The following ARHGEF17 variants were observed in gnomAD, a reference collection of about 807,000 sequenced individuals.
ARHGEF17 encodes Rho guanine nucleotide exchange factor 17.
A neutral mutation model predicts 174.0 loss-of-function variants in ARHGEF17; 80 were observed. That is an observed-to-expected ratio of 0.46 (90% CI 0.38 to 0.55). ARHGEF17 has a LOEUF of 0.55. ARHGEF17 is among the 20% of genes least tolerant of loss of function. The pLI is 0.00. For missense variants in ARHGEF17, 2,886 were observed against 2,839.7 expected, an observed-to-expected ratio of 1.02 and a Z score of -0.37; for synonymous variants, 1,311 against 1,189.1, an observed-to-expected ratio of 1.10 and a Z score of -2.11.
chr11:73,315,032 ACAC>A lies in ARHGEF17; in HGVS notation c.3192+3203_3192+3205del, dbSNP rs1367210239. On this transcript the variant is annotated intron_variant, in intron 1 of 20. Transcript: ENST00000263674. ...TTATCAAGTGCTTGCTATGTGCCAG[ACAC>A]TATCTGTTTCATTCTTCAACTGTGA... Among the ~76,000 whole-genome samples, 4 of 152,364 alleles carry A rather than the reference ACAC, an allele frequency of 2.6e-5. No homozygotes were observed. The East Asian group carries it at 7.7e-4, about 29-fold the overall frequency.
intron 9 of ARHGEF17, among the ~76,000 whole-genome samples, chr11:73,359,015 G>A (rs528593281): frequency 3.3e-5 from 5 of 152,264 alleles, no homozygotes; most frequent in Admixed American, 2.6e-4. Flanking sequence ...CCCCCACGGG[G>A]TTCTTGGTCA....
At chr11:73,361,045 C>T in intron 11 of ARHGEF17, 43 bp from the exon 12 acceptor site, 1 of 1,530,466 alleles carries the variant, frequency 6.5e-7, no homozygotes, top group Non-Finnish European at 9.0e-7. Flanking sequence ...GAGATGGATG[C>T]TATGCTAAGC....
At position 73,365,295 on chromosome 11, in the gene ARHGEF17, A is replaced by G. The variant is rs1865815519; in HGVS notation, c.5551-95A>G. 1.6e-5 allele frequency: 23 copies of G among 1,406,608 alleles called. No individual in the cohort carries two copies. The highest frequency in any genetic ancestry group is 2.3e-5 in the Non-Finnish European group (23 of 1,015,032). 87.1% of individuals were successfully genotyped at this position (1,406,608 alleles called of 1,614,324 possible). On this transcript the variant is annotated intron_variant, in intron 18 of 20. Transcript: ENST00000263674. This position sits in a 1 kb window ranked among gnomAD's most constrained non-coding sequence, Gnocchi z 4.9. ...CAGACCAAGGACCAACGCTAGTGTG[A>G]GTTGTGAGGGATGGACACTGGTGAA... is the stretch of plus-strand genomic sequence containing the variant.
chr11:73,360,279 T>G, intron 10 of ARHGEF17, 41 bp from the exon 11 acceptor site: 96 of 1,598,016 alleles, frequency 6.0e-5, no homozygotes, highest in Non-Finnish European at 7.4e-5. Context: ...CAGGCTCTGG[T>G]GAGATGCTGG....
At position 73,310,757 on chromosome 11, in the gene ARHGEF17, C is replaced by T. The variant is rs369681028; in HGVS notation, c.2119C>T (p.Arg707Cys). ...PETPPTPGAL[R>C]RRRKVPPSGS... Reference sequence around the variant, plus strand: ...GACCCCTCCCACACCAGGTGCCCTCCGCCGACGACGCAAAGTCCCACCTTC... The same window carrying T: ...GACCCCTCCCACACCAGGTGCCCTCTGCCGACGACGCAAAGTCCCACCTTC... Residue 707 changes from arginine to cysteine, a missense_variant, in exon 1 of 21, where the codon CGC (arginine) becomes TGC (cysteine). Physicochemically the swap from Arg to Cys is radical, Grantham distance 180. Transcript: ENST00000263674. 3.2e-5 allele frequency: 51 copies of T among 1,611,050 alleles called. No individual in the cohort carries two copies. The highest frequency in any genetic ancestry group is 2.1e-4 in the South Asian group (19 of 91,036).
chr11:73,309,969 G>C lies in ARHGEF17; in HGVS notation c.1331G>C (p.Arg444Thr), dbSNP rs1864783772. The C allele has an allele frequency of 6.2e-7, 1 of 1,613,980 alleles. No homozygotes were observed. Among genetic ancestry groups the C allele is most frequent in the African/African-American group, 1.3e-5 (1 of 75,038 alleles). The change falls in exon 1 of 21, where the codon AGG becomes ACG. Residue 444 changes from arginine (R) to threonine (T), a missense_variant. By Grantham distance (71) the Arg-to-Thr change is moderately conservative. Coordinates refer to ENST00000263674, the MANE Select transcript of ARHGEF17 (RefSeq NM_014786.4). Reference sequence around the variant, plus strand: ...GCCAAAGGACCTGGAGGCACCTCTAGGGCATTGAGGGATGGAGGATTTGAG... The same window carrying C: ...GCCAAAGGACCTGGAGGCACCTCTACGGCATTGAGGGATGGAGGATTTGAG... ...TRAKGPGGTS[R>T]ALRDGGFEPE...
intron 1 of ARHGEF17, among the ~76,000 whole-genome samples, chr11:73,327,415 T>C (rs544600507): frequency 2.0e-5 from 3 of 152,130 alleles, no homozygotes; most frequent in African/African-American, 2.4e-5. Flanking sequence ...GAGTTTGTAG[T>C]GTGTAAAAGG....
intron 1 of ARHGEF17, among the ~76,000 whole-genome samples, chr11:73,332,374 T>TGTGG (rs2134400844): frequency 7.9e-6 from 1 of 127,178 alleles, no homozygotes; most frequent in Non-Finnish European, 1.9e-5. Context: ...TGTGTGTGTG[T>TGTGG]GTGTGTGTGT....
At chr11:73,367,236 T>TAGG (rs1176719294) in intron 20 of ARHGEF17, among the ~76,000 whole-genome samples, 5 of 152,096 alleles carry the variant, frequency 3.3e-5, no homozygotes, top group Non-Finnish European at 7.4e-5. Flanking sequence ...CTGTTGGAAG[T>TAGG]AGGAGGCTTA....
intron 2 of ARHGEF17, among the ~76,000 whole-genome samples, chr11:73,350,166 G>C (rs1865529553): frequency 6.6e-6 from 1 of 152,206 alleles, no homozygotes; most frequent in South Asian, 2.1e-4. Context: ...TTAACCTTGT[G>C]AGGTAGATAT....
intron 12 of ARHGEF17, 43 bp from the exon 13 acceptor site, chr11:73,361,997 G>C: frequency 6.3e-7 from 1 of 1,593,484 alleles, no homozygotes; most frequent in Non-Finnish European, 8.6e-7. Context: ...GCTGGCAGCA[G>C]TTCCTCCATT....
chr11:73,364,723 C>A, intron 18 of ARHGEF17, 123 bp downstream of exon 18: 10 of 1,301,762 alleles, frequency 7.7e-6, no homozygotes, highest in Admixed American at 2.9e-5. Flanking sequence ...CTTCCTCTGA[C>A]CACAGAGTGA....
intron 12 of ARHGEF17, among the ~76,000 whole-genome samples, chr11:73,361,457 C>G (rs188702097): frequency 1.1e-3 from 162 of 152,240 alleles, no homozygotes; most frequent in Non-Finnish European, 2.0e-3. Context: ...ACAGAGGTTA[C>G]CAGCATCACA....
At position 73,345,074 on chromosome 11, in the gene ARHGEF17, C is replaced by T. The variant is rs191166885; in HGVS notation, c.3193-1809C>T. 2.0e-5 allele frequency among the ~76,000 whole-genome samples: 3 copies of T among 152,296 alleles called. No homozygotes were observed. In the East Asian group the frequency reaches 5.8e-4, roughly 29 times the overall value. On this transcript the variant is annotated intron_variant, in intron 1 of 20. Coordinates refer to ENST00000263674, the MANE Select transcript of ARHGEF17 (RefSeq NM_014786.4). ...TGGCGTGGGGTAGGGCAGGATTAGG[C>T]ATCTGGGCCTGTCCTCGGGAGGCCT...
intron 1 of ARHGEF17, among the ~76,000 whole-genome samples, chr11:73,325,833 G>GT (rs1223145588): frequency 6.6e-6 from 1 of 152,256 alleles, no homozygotes; most frequent in African/African-American, 2.4e-5. Context: ...CCAGAGCCTG[G>GT]TGAGTGGGGA....
In ARHGEF17 at chr11:73,309,101, G is replaced by A. The variant is rs1468184228; in HGVS notation, c.463G>A (p.Gly155Ser). The change falls in exon 1 of 21, where the codon GGT becomes AGT. Residue 155 changes from glycine (G) to serine (S), a missense_variant. This residue lies in a region of ARHGEF17 where 1,728 missense variants were observed against 1,461.2 expected (regional missense o/e 1.18). Coordinates refer to ENST00000263674, the MANE Select transcript of ARHGEF17 (RefSeq NM_014786.4). ...SESPGTPSPD[G>S]AAWEPPARES... ...ATCCCCAGGAACGCCCAGCCCCGAC[G>A]GTGCCGCGTGGGAGCCTCCGGCTCG... The A allele has an allele frequency of 6.4e-7, 1 of 1,553,622 alleles. No individual in the cohort carries two copies. Among genetic ancestry groups the A allele is most frequent in the Admixed American group, 1.9e-5 (1 of 52,552 alleles).
chr11:73,356,687 C>T, intron 6 of ARHGEF17, 22 bp from the exon 7 acceptor site: 1 of 1,613,954 alleles, frequency 6.2e-7, no homozygotes, highest in Non-Finnish European at 8.5e-7. Flanking sequence ...CTTCGAGATG[C>T]CTTGTCCCTC....
intron 2 of ARHGEF17, chr11:73,347,202 C>A: frequency 1.7e-6 from 1 of 596,688 alleles, no homozygotes; most frequent in South Asian, 1.8e-5. Flanking sequence ...CCCTACCCTG[C>A]TGTTCTTCCA....
At position 73,309,971 on chromosome 11, in the gene ARHGEF17, G is replaced by A. The variant is rs750004622; in HGVS notation, c.1333G>A (p.Ala445Thr). ...RAKGPGGTSR[A>T]LRDGGFEPEK... ...CAAAGGACCTGGAGGCACCTCTAGGGCATTGAGGGATGGAGGATTTGAGCC... is the reference window on the plus strand; with the variant it reads ...CAAAGGACCTGGAGGCACCTCTAGGACATTGAGGGATGGAGGATTTGAGCC... Residue 445 changes from alanine to threonine, a missense_variant, in exon 1 of 21, where the codon GCA (alanine) becomes ACA (threonine). Physicochemically the swap from Ala to Thr is moderately conservative, Grantham distance 58. Coordinates refer to ENST00000263674, the MANE Select transcript of ARHGEF17 (RefSeq NM_014786.4). 6.2e-7 allele frequency: 1 copy of A among 1,614,012 alleles called. No homozygotes were observed. The highest frequency in any genetic ancestry group is 8.5e-7 in the Non-Finnish European group (1 of 1,180,016).
Sources: gnomAD v4.1 joint callset for allele counts (sites outside exome capture counted in the v4.1 genomes callset) on GRCh38, gnomAD v4.1.1 for gene constraint, gnomAD v4.1.1 regional missense constraint, Gnocchi (gnomAD v3.1) non-coding constraint, MANE v1.5 for transcripts, NCBI Gene and HGNC (gene_info 2026-07-23, HGNC 2026-07-21) for gene names.